Variants in HIVEP2 observed in about 807,000 individuals in gnomAD.
The protein encoded by HIVEP2 is HIVEP zinc finger 2.
In HIVEP2, 14 loss-of-function variants were observed where a neutral mutation model predicts 180.7. That is an observed-to-expected ratio of 0.08 (90% CI 0.05 to 0.12). The LOEUF is 0.12. Ranked by LOEUF, HIVEP2 falls within the 10% of genes least tolerant of loss-of-function variation. The probability of loss-of-function intolerance (pLI) is 1.00; values close to 1 mark genes in which losing one functional copy is unlikely to be tolerated. For missense variants in HIVEP2, 2,579 were observed against 3,008.5 expected (o/e 0.86, Z 3.34); for synonymous variants, 1,184 against 1,136.4 (o/e 1.04, Z -0.84).
At chr6:142,849,278 G>A (rs1775589461) in intron 1 of HIVEP2, among the ~76,000 whole-genome samples, 1 of 152,294 alleles carries the variant, frequency 6.6e-6, no homozygotes, top group South Asian at 2.1e-4. Flanking sequence ...GACACTTGCA[G>A]TGGATCTTCA....
At chr6:142,877,361 A>G (rs187613826) in intron 1 of HIVEP2, among the ~76,000 whole-genome samples, 11 of 152,328 alleles carry the variant, frequency 7.2e-5, no homozygotes, top group Admixed American at 6.5e-4. Context: ...TGGCCACAAT[A>G]TAAGAAAATA....
chr6:142,794,383 A>C (rs183521219), intron 2 of HIVEP2, among the ~76,000 whole-genome samples: 1 of 152,334 alleles, frequency 6.6e-6, no homozygotes, highest in African/African-American at 2.4e-5. Flanking sequence ...TAGTTTGAGC[A>C]ACACAACTGT....
chr6:142,753,296 G>T lies in HIVEP2; in HGVS notation c.7152C>A (p.Ala2384=). The change falls in exon 10 of 10, where the codon GCC becomes GCA. Residue 2384 remains alanine (A), a synonymous_variant. Transcript: ENST00000367603. The part of the protein sequence containing the change: ...RPEPGQPCTS[A]THPDLHDGEK... ...CACCATCATGCAAGTCAGGGTGGGT[G>T]GCTGAGGTACAGGGCTGACCTGGCT... 2 of 1,614,184 alleles carry T rather than the reference G, an allele frequency of 1.2e-6. No homozygotes were observed. The highest frequency in any genetic ancestry group is 1.7e-6 in the Non-Finnish European group (2 of 1,180,030).
At chr6:142,857,328 C>T (rs1775849704) in intron 1 of HIVEP2, among the ~76,000 whole-genome samples, 1 of 152,152 alleles carries the variant, frequency 6.6e-6, no homozygotes, top group Non-Finnish European at 1.5e-5. Flanking sequence ...TGTATAGCCC[C>T]TAGATCTAAG....
At position 142,836,917 on chromosome 6, in the gene HIVEP2, G is replaced by A. The variant is rs1005208010; in HGVS notation, c.-528+18C>T. 1.7e-4 allele frequency: 26 copies of A among 152,066 alleles called. No individual in the cohort carries two copies. The highest frequency in any genetic ancestry group is 6.0e-4 in the African/African-American group (25 of 41,406). The allele number at this position is 152,066 out of a possible 1,614,324, so 9.4% of individuals were successfully genotyped here. A position where few individuals can be genotyped will look rare whatever the true frequency, so the allele number is the denominator to read the frequency against. On this transcript the variant is annotated intron_variant, in intron 2 of 9. Coordinates refer to ENST00000367603, the MANE Select transcript of HIVEP2 (RefSeq NM_006734.4). Reference sequence around the variant, plus strand: ...ACTTTGAAATCAAACCATATAGAAAGCACTTGGCTTGACTTACCTAGTGGC... The same window carrying A: ...ACTTTGAAATCAAACCATATAGAAAACACTTGGCTTGACTTACCTAGTGGC...
chr6:142,839,009 C>G (rs940164420), intron 1 of HIVEP2, among the ~76,000 whole-genome samples: 3 of 151,952 alleles, frequency 2.0e-5, no homozygotes, highest in Non-Finnish European at 4.4e-5. Context: ...CCATAGAGTA[C>G]CTAAAAGTGG....
chr6:142,889,628 C>G (rs1776804894), intron 1 of HIVEP2, among the ~76,000 whole-genome samples: 1 of 152,086 alleles, frequency 6.6e-6, no homozygotes, highest in Non-Finnish European at 1.5e-5. Context: ...CCTTAGGTTC[C>G]CAAGATACAA....
At chr6:142,923,955 G>T (rs1171996742) in intron 1 of HIVEP2, among the ~76,000 whole-genome samples, 2 of 152,216 alleles carry the variant, frequency 1.3e-5, no homozygotes, top group African/African-American at 4.8e-5. Flanking sequence ...AAGGCCGAGG[G>T]TTAAGTGCTA....
chr6:142,917,100 T>C (rs557862643), intron 1 of HIVEP2, among the ~76,000 whole-genome samples: 72 of 152,360 alleles, frequency 4.7e-4, no homozygotes, highest in African/African-American at 1.7e-3. Context: ...TATTAACTTA[T>C]GTCACTCATC....
chr6:142,913,429 T>C (rs1258588048), intron 1 of HIVEP2, among the ~76,000 whole-genome samples: 1 of 152,066 alleles, frequency 6.6e-6, no homozygotes, highest in Non-Finnish European at 1.5e-5. Context: ...AGACAGAAAA[T>C]ACTAAAAAGG....
rs140686912 is a variant in HIVEP2 at position 142,883,258 on chromosome 6, A to G, written c.-640-46211T>C. Among the ~76,000 whole-genome samples, 269 of 152,228 alleles carry G rather than the reference A, an allele frequency of 1.8e-3. 2 individuals are homozygous for G. Among genetic ancestry groups the G allele is most frequent in the African/African-American group, 4.8e-3 (198 of 41,546 alleles). On this transcript the variant is annotated intron_variant, in intron 1 of 9. Coordinates refer to ENST00000367603, the MANE Select transcript of HIVEP2 (RefSeq NM_006734.4). ...TATGTAGTTACAAAAATACCAAAGC[A>G]GATTCCATGCTAAGCTCTGCCAAAA...
In HIVEP2 at chr6:142,777,648, CAAAAAAAAAAAAAAAAAAAAAAA is replaced by C. The variant is rs58304452; in HGVS notation, c.-432-1480_-432-1458del. Among the ~76,000 whole-genome samples the C allele has an allele frequency of 1.4e-3, 40 of 27,710 alleles. No homozygotes were observed. The East Asian group carries it at 0.045, about 31-fold the overall frequency. 18.2% of individuals were successfully genotyped at this position (27,710 alleles called of 152,430 possible). A position where few individuals can be genotyped will look rare whatever the true frequency, so the allele number is the denominator to read the frequency against. ...GGGCAACAAGAGCAAAACTCCATCT[CAAAAAAAAAAAAAAAAAAAAAAA>C]AAAAAAAAAAAAAAAAAGTGGAACC... is the stretch of plus-strand genomic sequence containing the variant. On this transcript the variant is annotated intron_variant, in intron 3 of 9. Transcript: ENST00000367603.
chr6:142,794,722 C>T (rs1404580579), intron 2 of HIVEP2, among the ~76,000 whole-genome samples: 1 of 152,200 alleles, frequency 6.6e-6, no homozygotes, highest in Admixed American at 6.5e-5. Context: ...GCAGATCCTA[C>T]ACACAAATCC....
chr6:142,862,857 T>C (rs868766159), intron 1 of HIVEP2, among the ~76,000 whole-genome samples: 2 of 133,938 alleles, frequency 1.5e-5, no homozygotes, highest in African/African-American at 5.6e-5. Flanking sequence ...TATTTATATA[T>C]AATATATAAA....
At chr6:142,887,571 G>T (rs1350116492) in intron 1 of HIVEP2, among the ~76,000 whole-genome samples, 2 of 152,104 alleles carry the variant, frequency 1.3e-5, no homozygotes, top group Non-Finnish European at 2.9e-5. Flanking sequence ...TATCAATTCA[G>T]AGATCACCGA....
intron 1 of HIVEP2, among the ~76,000 whole-genome samples, chr6:142,923,933 A>C (rs1270305190): frequency 6.6e-6 from 1 of 152,264 alleles, no homozygotes; most frequent in Non-Finnish European, 1.5e-5. Context: ...TTGGATCTCA[A>C]ACCGCTAGGT....
intron 2 of HIVEP2, among the ~76,000 whole-genome samples, chr6:142,795,166 G>T (rs2114738092): frequency 6.6e-6 from 1 of 152,204 alleles, no homozygotes; most frequent in South Asian, 2.1e-4. Context: ...GCAACCAGAA[G>T]TTATTTGCCC....
intron 1 of HIVEP2, among the ~76,000 whole-genome samples, chr6:142,898,422 G>C (rs1777052195): frequency 6.6e-6 from 1 of 152,128 alleles, no homozygotes; most frequent in South Asian, 2.1e-4. Flanking sequence ...AACATTTTGG[G>C]AGGCCGAGGC....
At chr6:142,899,249 G>T (rs933482455) in intron 1 of HIVEP2, among the ~76,000 whole-genome samples, 11 of 152,138 alleles carry the variant, frequency 7.2e-5, no homozygotes, top group African/African-American at 2.7e-4. Context: ...TATCTTCCTG[G>T]AATGCCCTTT....
Sources: gnomAD v4.1 joint callset for allele counts (sites outside exome capture counted in the v4.1 genomes callset) on GRCh38, gnomAD v4.1.1 for gene constraint, MANE v1.5 for transcripts, NCBI Gene and HGNC (gene_info 2026-07-23, HGNC 2026-07-21) for gene names.